Variants in RBL1 observed in about 807,000 individuals in gnomAD.
RBL1 encodes the protein RB transcriptional corepressor like 1.
Under a neutral mutation model 123.0 loss-of-function variants are expected in RBL1, and 82 were observed. The ratio of observed to expected loss-of-function variants is 0.67; its 90% CI spans 0.56 to 0.80. The LOEUF (loss-of-function observed/expected upper bound fraction) is 0.80, where lower values mean the gene tolerates loss of function less well. Ranked by LOEUF, RBL1 falls within the 30% of genes least tolerant of loss-of-function variation. The pLI, the probability that RBL1 is intolerant of heterozygous loss-of-function variation, is 0.00. For synonymous variants in RBL1, 405 were observed against 441.3 expected (o/e 0.92, Z 1.03); for missense variants, 1,171 against 1,299.6 (o/e 0.90, Z 1.52).
intron 2 of RBL1, among the ~76,000 whole-genome samples, chr20:37,085,761 C>T (rs2065535057): frequency 7.0e-6 from 1 of 143,370 alleles, no homozygotes; most frequent in African/African-American, 2.6e-5. Context: ...TCACGCCATA[C>T]TCCCACCTCA....
chr20:37,088,126 G>A (rs573368063), intron 2 of RBL1, among the ~76,000 whole-genome samples: 18 of 152,102 alleles, frequency 1.2e-4, no homozygotes, highest in Admixed American at 2.0e-4. Flanking sequence ...TTAGCCAGGC[G>A]TGGTGGCACA....
At chr20:37,036,742 C>T (rs921763749) in intron 14 of RBL1, among the ~76,000 whole-genome samples, 20 of 151,486 alleles carry the variant, frequency 1.3e-4, no homozygotes, top group African/African-American at 4.1e-4. Context: ...TCTCCTGCCT[C>T]AGCCTCCTGA....
intron 2 of RBL1, among the ~76,000 whole-genome samples, chr20:37,074,046 G>A (rs962358087): frequency 6.6e-6 from 1 of 152,068 alleles, no homozygotes; most frequent in Admixed American, 6.6e-5. Flanking sequence ...AGGAGGCGGA[G>A]CTTGCAGTGA....
rs548716074 is a variant in RBL1, at chr20:37,088,125, C to T, written c.290+864G>A. Among the ~76,000 whole-genome samples, 11 of 151,986 alleles carry T rather than the reference C, an allele frequency of 7.2e-5. No individual in the cohort carries two copies. In the East Asian group the frequency reaches 1.2e-3, roughly 16 times the overall value. ...TACTAAAAATACAAAATTAGCCAGG[C>T]GTGGTGGCACATGCCTGTAATCCCA... On this transcript the variant is annotated intron_variant, in intron 2 of 21. Coordinates refer to ENST00000373664, the MANE Select transcript of RBL1 (RefSeq NM_002895.5).
chr20:37,065,406 T>C lies in RBL1; in HGVS notation c.896+18A>G, dbSNP rs2065161969. On this transcript the variant is annotated intron_variant, in intron 7 of 21. Coordinates refer to ENST00000373664, the MANE Select transcript of RBL1 (RefSeq NM_002895.5). ...ACAGCTTGTGATAAGCCAGGCACCA[T>C]TAGTACTAGATATTTACCTATTATC... The C allele has an allele frequency of 6.5e-7, 1 of 1,539,438 alleles. No individual in the cohort carries two copies.
chr20:37,033,214 C>T (rs1015867002), intron 15 of RBL1, among the ~76,000 whole-genome samples: 1 of 146,632 alleles, frequency 6.8e-6, no homozygotes, highest in Non-Finnish European at 1.5e-5. Flanking sequence ...GAGATGGAGT[C>T]TTGCTCTGTC....
At chr20:37,031,673 TA>T (rs1288416066) in intron 16 of RBL1, among the ~76,000 whole-genome samples, 1 of 152,184 alleles carries the variant, frequency 6.6e-6, no homozygotes, top group Non-Finnish European at 1.5e-5. Context: ...AATACTAAAT[TA>T]CTCTCCCATT....
In RBL1 at chr20:37,003,638, A is replaced by G. The variant is rs2064021384; in HGVS notation, c.3036+64T>C. 2.1e-6 allele frequency: 3 copies of G among 1,461,460 alleles called. No homozygotes were observed. In the South Asian group the frequency reaches 4.7e-5, roughly 23 times the overall value. 90.5% of individuals were successfully genotyped at this position (1,461,460 alleles called of 1,614,324 possible). A position where few individuals can be genotyped will look rare whatever the true frequency, so the allele number is the denominator to read the frequency against. On this transcript the variant is annotated intron_variant, in intron 21 of 21. Coordinates refer to ENST00000373664, the MANE Select transcript of RBL1 (RefSeq NM_002895.5). ...TTGGCCAAAAAAGAAAAAAAAAAAA[A>G]GAGGCAGGATTAACAGTTACTGACT...
intron 2 of RBL1, among the ~76,000 whole-genome samples, chr20:37,088,645 AG>A (rs1043011402): frequency 6.6e-6 from 1 of 151,840 alleles, no homozygotes; most frequent in Non-Finnish European, 1.5e-5. Flanking sequence ...ATTTGAGGTC[AG>A]GAGTTCGAGA....
At chr20:37,005,491 T>C (rs1240475767) in intron 20 of RBL1, among the ~76,000 whole-genome samples, 1 of 151,592 alleles carries the variant, frequency 6.6e-6, no homozygotes, top group Non-Finnish European at 1.5e-5. Context: ...ACATACCTGC[T>C]CACAACCAAA....
At chr20:37,045,077 T>C (rs926229067) in intron 12 of RBL1, among the ~76,000 whole-genome samples, 7 of 144,252 alleles carry the variant, frequency 4.9e-5, no homozygotes, top group South Asian at 2.3e-4. Flanking sequence ...TTCACATTTA[T>C]TTACTTATTT....
At chr20:37,039,125 G>A (rs1164944891) in intron 14 of RBL1, among the ~76,000 whole-genome samples, 4 of 152,074 alleles carry the variant, frequency 2.6e-5, no homozygotes, top group Non-Finnish European at 5.9e-5. Context: ...ACATCAGCTC[G>A]CTACATCACA....
chr20:36,996,467 G>T lies in RBL1; in HGVS notation c.*2292C>A, dbSNP rs1398017888. The T allele has an allele frequency of 1.3e-5, 2 of 152,066 alleles. No homozygotes were observed. The highest frequency in any genetic ancestry group is 2.9e-5 in the Non-Finnish European group (2 of 68,038). 9.4% of individuals were successfully genotyped at this position (152,066 alleles called of 1,614,324 possible). ...TCTTTTTTTCCTTTTCTGAGAAAGG[G>T]TCTTGCCCTCTCACCTAGGATGGAG... On this transcript the variant is annotated 3_prime_UTR_variant, in exon 22 of 22. Coordinates refer to ENST00000373664, the MANE Select transcript of RBL1 (RefSeq NM_002895.5).
chr20:37,021,506 A>C (rs1600478157), intron 17 of RBL1, among the ~76,000 whole-genome samples: 1 of 150,540 alleles, frequency 6.6e-6, no homozygotes, highest in Non-Finnish European at 1.5e-5. Flanking sequence ...GTGCAGTGGC[A>C]TGATCTTGGC....
chr20:37,005,971 T>C (rs567755193), intron 20 of RBL1, among the ~76,000 whole-genome samples: 22 of 147,060 alleles, frequency 1.5e-4, no homozygotes, highest in African/African-American at 4.5e-4. Context: ...TTGTGGCTCA[T>C]TGCAGCCTTG....
chr20:37,047,103 A>G lies in RBL1; in HGVS notation c.1555T>C (p.Phe519Leu). 6.2e-7 allele frequency: 1 copy of G among 1,601,742 alleles called. No individual in the cohort carries two copies. Among genetic ancestry groups the G allele is most frequent in the Non-Finnish European group, 8.5e-7 (1 of 1,177,582 alleles). ...VLFAYSSPRT[F>L]PWIIEVLNLQ... ...TTGAGAACTTCAATAATCCAAGGAA[A>G]AGTACGAGGTGAGCTATAGGCAAAG... The change falls in exon 12 of 22, where the codon TTT becomes CTT. Residue 519 changes from phenylalanine to leucine, a missense_variant. Transcript: ENST00000373664.
intron 1 of RBL1, among the ~76,000 whole-genome samples, chr20:37,092,347 T>C (rs949226966): frequency 5.3e-5 from 8 of 152,160 alleles, no homozygotes; most frequent in African/African-American, 1.9e-4. Context: ...ATTTTTATTT[T>C]ACTTTTTAAA....
intron 16 of RBL1, among the ~76,000 whole-genome samples, chr20:37,024,656 T>A (rs1447491252): frequency 6.6e-6 from 1 of 151,354 alleles, no homozygotes; most frequent in African/African-American, 2.4e-5. Flanking sequence ...TTCTAATCTA[T>A]GAGCAGGTTA....
chr20:37,044,438 A>G (rs2064784762), intron 12 of RBL1, among the ~76,000 whole-genome samples, 188 bp from the exon 13 acceptor site: 1 of 152,064 alleles, frequency 6.6e-6, no homozygotes, highest in Non-Finnish European at 1.5e-5. Context: ...CCCAGGTTCA[A>G]GTGATTCTCC....
Sources: gnomAD v4.1 joint callset for allele counts (sites outside exome capture counted in the v4.1 genomes callset) on GRCh38, gnomAD v4.1.1 for gene constraint, MANE v1.5 for transcripts, NCBI Gene and HGNC (gene_info 2026-07-23, HGNC 2026-07-21) for gene names.